The following SEMA3A variants were observed in gnomAD, a reference collection of about 807,000 sequenced individuals.
SEMA3A encodes semaphorin 3A.
A neutral mutation model predicts 97.9 loss-of-function variants in SEMA3A; 29 were observed. The observed-to-expected ratio is 0.30, with a 90% confidence interval of 0.22 to 0.40. SEMA3A has a LOEUF of 0.40. Among genes scored for constraint, SEMA3A ranks in the 10% least tolerant of loss-of-function variants. The pLI is 1.00. For missense variants in SEMA3A, 763 were observed against 951.3 expected, an observed-to-expected ratio of 0.80 and a Z score of 2.60; for synonymous variants, 321 against 323.7, an observed-to-expected ratio of 0.99 and a Z score of 0.09.
At chr7:84,474,670 A>C (rs1324791389) in intron 1 of SEMA3A, among the ~76,000 whole-genome samples, 2 of 152,118 alleles carry the variant, frequency 1.3e-5, no homozygotes, top group East Asian at 1.9e-4. Context: ...TCCTCTGCAG[A>C]GTGTGAGGCA....
intron 1 of SEMA3A, among the ~76,000 whole-genome samples, chr7:84,163,502 C>A (rs1323897972): frequency 6.6e-6 from 1 of 152,012 alleles, no homozygotes; most frequent in Non-Finnish European, 1.5e-5. Context: ...ACTCAAAATT[C>A]AGCTTAAATA....
chr7:84,258,901 G>C (rs1346387665), intron 3 of SEMA3A, among the ~76,000 whole-genome samples: 1 of 150,868 alleles, frequency 6.6e-6, no homozygotes, highest in Non-Finnish European at 1.5e-5. Flanking sequence ...AACCAGAAGG[G>C]ATGATTTTTT....
intron 6 of SEMA3A, among the ~76,000 whole-genome samples, chr7:84,035,375 G>A (rs976849677): frequency 1.3e-5 from 2 of 151,774 alleles, no homozygotes; most frequent in East Asian, 3.9e-4. Context: ...TAAAATTACT[G>A]GCATGTAAAA....
At chr7:84,091,142 AGGAAGGAAG>A (rs1794563075) in intron 4 of SEMA3A, among the ~76,000 whole-genome samples, 1 of 26,770 alleles carries the variant, frequency 3.7e-5, no homozygotes, top group Non-Finnish European at 7.4e-5. Flanking sequence ...GAAAGAAGGA[AGGAAGGAAG>A]GAAGGAAGGA....
chr7:84,135,634 T>C (rs1312345783), intron 1 of SEMA3A, among the ~76,000 whole-genome samples: 1 of 152,182 alleles, frequency 6.6e-6, no homozygotes, highest in East Asian at 1.9e-4. Context: ...AGCCATTAGA[T>C]AGAAGGATAA....
chr7:84,366,911 G>C (rs887073941), intron 2 of SEMA3A, among the ~76,000 whole-genome samples: 4 of 150,912 alleles, frequency 2.7e-5, no homozygotes, highest in African/African-American at 9.7e-5. Context: ...TGATTCTATA[G>C]GCAGATATCT....
chr7:83,968,365 C>T (rs1788790292), intron 15 of SEMA3A, among the ~76,000 whole-genome samples: 2 of 152,188 alleles, frequency 1.3e-5, no homozygotes, highest in Non-Finnish European at 2.9e-5. Flanking sequence ...CTCCCTTATT[C>T]ACTGTATTGA....
chr7:84,067,701 T>C (rs925387048), intron 4 of SEMA3A, among the ~76,000 whole-genome samples: 65 of 152,148 alleles, frequency 4.3e-4, no homozygotes, highest in Middle Eastern at 3.4e-3. Context: ...ATCAGAGAAA[T>C]GCAAATCAAA....
chr7:84,049,565 C>T (rs1187078791), intron 5 of SEMA3A, among the ~76,000 whole-genome samples: 3 of 151,980 alleles, frequency 2.0e-5, no homozygotes, highest in African/African-American at 7.3e-5. Context: ...CTAAAGATAT[C>T]TGACTATAAG....
At chr7:84,260,468 C>T (rs1183365702) in intron 3 of SEMA3A, among the ~76,000 whole-genome samples, 1 of 150,728 alleles carries the variant, frequency 6.6e-6, no homozygotes, top group African/African-American at 2.4e-5. Flanking sequence ...AGCCACAGCT[C>T]CAGACCCCAG....
chr7:84,247,291 C>A (rs1020257514), intron 3 of SEMA3A, among the ~76,000 whole-genome samples: 4 of 152,058 alleles, frequency 2.6e-5, no homozygotes, highest in African/African-American at 9.7e-5. Context: ...ATAACTACTT[C>A]CACTTCACAG....
intron 1 of SEMA3A, among the ~76,000 whole-genome samples, chr7:84,430,028 A>C (rs1804939288): frequency 6.6e-6 from 1 of 152,028 alleles, no homozygotes; most frequent in East Asian, 1.9e-4. Flanking sequence ...AACTAAGTAA[A>C]TATCTCACTC....
chr7:84,045,877 A>G (rs1792328035), intron 6 of SEMA3A, among the ~76,000 whole-genome samples: 1 of 151,822 alleles, frequency 6.6e-6, no homozygotes, highest in Non-Finnish European at 1.5e-5. Context: ...TGAAAAGACT[A>G]TTAATATGTT....
intron 1 of SEMA3A, among the ~76,000 whole-genome samples, chr7:84,193,337 G>A (rs1046345435): frequency 1.3e-5 from 2 of 152,058 alleles, no homozygotes; most frequent in Non-Finnish European, 2.9e-5. Flanking sequence ...TAAAGAATAT[G>A]TTTTGTGGCA....
chr7:84,389,849 A>G (rs1476651691), intron 1 of SEMA3A, among the ~76,000 whole-genome samples: 1 of 152,164 alleles, frequency 6.6e-6, no homozygotes, highest in African/African-American at 2.4e-5. Context: ...TAAACTGAAC[A>G]GATAAAATTG....
intron 4 of SEMA3A, among the ~76,000 whole-genome samples, chr7:84,068,801 T>C (rs1297109180): frequency 6.6e-6 from 1 of 152,060 alleles, no homozygotes; most frequent in Non-Finnish European, 1.5e-5. Flanking sequence ...TTAGAACTCA[T>C]AGGAAGAGAG....
chr7:84,083,228 A>G (rs951550151), intron 4 of SEMA3A, among the ~76,000 whole-genome samples: 6 of 151,728 alleles, frequency 4.0e-5, no homozygotes, highest in Admixed American at 2.6e-4. Context: ...ATACACACAC[A>G]CGTATTTGTA....
chr7:84,327,172 A>T (rs924345271), intron 2 of SEMA3A, among the ~76,000 whole-genome samples: 1 of 152,080 alleles, frequency 6.6e-6, no homozygotes, highest in Non-Finnish European at 1.5e-5. Context: ...CTCTTAATAG[A>T]TTCACAATAT....
chr7:84,147,260 AAG>A (rs1326303869), intron 1 of SEMA3A, among the ~76,000 whole-genome samples: 7 of 152,164 alleles, frequency 4.6e-5, no homozygotes, highest in African/African-American at 7.2e-5. Context: ...AAAACTACTT[AAG>A]AATGATTTAT....
Sources: allele counts gnomAD v4.1 joint callset (sites outside exome capture counted in the v4.1 genomes callset), GRCh38; gene constraint gnomAD v4.1.1; transcripts MANE v1.5; gene names NCBI Gene and HGNC (gene_info 2026-07-23, HGNC 2026-07-21).